LYN: variants seen among roughly 807,000 people sequenced by gnomAD.
The protein encoded by LYN is tyrosine-protein kinase Lyn.
A neutral mutation model predicts 65.0 loss-of-function variants in LYN; 12 were observed. The ratio of observed to expected loss-of-function variants is 0.18; its 90% confidence interval spans 0.12 to 0.30. LYN has a LOEUF of 0.30. Ranked by LOEUF, LYN falls within the 10% of genes least tolerant of loss-of-function variation. The pLI, the probability that LYN is intolerant of heterozygous loss-of-function variation, is 1.00. For synonymous variants in LYN, 222 were observed against 221.2 expected (o/e 1.00, Z -0.03); for missense variants, 380 against 623.2 (o/e 0.61, Z 4.16).
Position 56,002,000 on chromosome 8 carries a change from G to T in LYN, c.1336+2451G>T, listed in dbSNP as rs1563330369. ...AAATCATTTTTTGAAAAAAGAACTG[G>T]CTGGGCACGGCAGCTCACACGTGTA... On this transcript the variant is annotated intron_variant, in intron 12 of 12. Coordinates refer to ENST00000519728, the MANE Select transcript of LYN (RefSeq NM_002350.4). Among the ~76,000 whole-genome samples, 3 of 152,190 alleles carry T rather than the reference G, an allele frequency of 2.0e-5. No individual in the cohort carries two copies. In the South Asian group the frequency reaches 6.2e-4, roughly 32 times the overall value.
Position 56,014,128 on chromosome 8 carries a change from G to A in LYN, c.*4018G>A, listed in dbSNP as rs942647192. 1 of 152,144 alleles carries A rather than the reference G, an allele frequency of 6.6e-6. No homozygotes were observed. Among genetic ancestry groups the A allele is most frequent in the Non-Finnish European group, 1.5e-5 (1 of 68,030 alleles). 9.4% of individuals were successfully genotyped at this position (152,144 alleles called of 1,614,324 possible). On this transcript the variant is annotated 3_prime_UTR_variant, in exon 13 of 13. Transcript: ENST00000519728. ...GCCACAGAAGGAATAGATTGGCTTC[G>A]CTTCATATTGTTTCCTTGTGAAATA...
intron 10 of LYN, among the ~76,000 whole-genome samples, chr8:55,976,325 T>C (rs1455194163): frequency 1.3e-5 from 1 of 78,532 alleles, no homozygotes. Flanking sequence ...AGACTCCATC[T>C]CAAAAAAAAA....
intron 10 of LYN, among the ~76,000 whole-genome samples, chr8:55,983,865 T>A (rs1807999286): frequency 6.6e-6 from 1 of 152,228 alleles, no homozygotes; most frequent in South Asian, 2.1e-4. Flanking sequence ...ATTGTATTAA[T>A]TTCCTGGGGC....
At chr8:55,993,786 A>T (rs1030620675) in intron 10 of LYN, among the ~76,000 whole-genome samples, 1 of 152,160 alleles carries the variant, frequency 6.6e-6, no homozygotes, top group African/African-American at 2.4e-5. Context: ...ATCTTAGTAA[A>T]ATGTCTGTGG....
chr8:55,910,234 A>G (rs1805561151), intron 1 of LYN, among the ~76,000 whole-genome samples: 1 of 152,126 alleles, frequency 6.6e-6, no homozygotes. Flanking sequence ...ACCAATGTCC[A>G]GAAGTGTTTT....
At position 55,950,678 on chromosome 8, in the gene LYN, C is replaced by T. The variant is rs1806916573; in HGVS notation, c.384-3C>T. 1 of 1,608,304 alleles carries T rather than the reference C, an allele frequency of 6.2e-7. No individual in the cohort carries two copies. The highest frequency in any genetic ancestry group is 1.7e-5 in the Admixed American group (1 of 59,996). ...TGCAGGAAATGTTGAAATGTCTTCA[C>T]AGGTGGTTTTTCAAGGATATAACCA... is the stretch of plus-strand genomic sequence containing the variant. On this transcript the variant is annotated splice_region_variant and splice_polypyrimidine_tract_variant and intron_variant, in intron 5 of 12. Transcript: ENST00000519728.
chr8:55,964,586 G>C (rs1807392631), intron 8 of LYN, among the ~76,000 whole-genome samples: 1 of 151,916 alleles, frequency 6.6e-6, no homozygotes, highest in African/African-American at 2.4e-5. Flanking sequence ...TACATACTTG[G>C]CTGGGCACAG....
In LYN at chr8:56,011,112, G is replaced by C. The variant is rs1274664307; in HGVS notation, c.*1002G>C. The C allele has an allele frequency of 4.4e-6, 1 of 229,750 alleles. No individual in the cohort carries two copies. Among genetic ancestry groups the C allele is most frequent in the African/African-American group, 2.2e-5 (1 of 45,146 alleles). 14.2% of individuals were successfully genotyped at this position (229,750 alleles called of 1,614,324 possible). ...TAGAAAGCTAAAGTGCCACATTCGG[G>C]GCTATTTTTATGATTCAGCAATCTT... On this transcript the variant is annotated 3_prime_UTR_variant, in exon 13 of 13. Coordinates refer to ENST00000519728, the MANE Select transcript of LYN (RefSeq NM_002350.4).
intron 12 of LYN, among the ~76,000 whole-genome samples, chr8:56,007,873 C>A (rs1313950595): frequency 2.0e-5 from 3 of 152,108 alleles, no homozygotes; most frequent in African/African-American, 7.2e-5. Context: ...TAATCCAGCA[C>A]TTTGGGAGGC....
chr8:55,918,124 G>A (rs1456791495), intron 1 of LYN, among the ~76,000 whole-genome samples: 2 of 152,166 alleles, frequency 1.3e-5, no homozygotes, highest in Non-Finnish European at 2.9e-5. Flanking sequence ...TCCCAGCGCT[G>A]ATGCTGGCTC....
At chr8:55,932,555 G>T (rs536621220) in intron 1 of LYN, among the ~76,000 whole-genome samples, 2 of 152,046 alleles carry the variant, frequency 1.3e-5, no homozygotes, top group South Asian at 4.2e-4. Flanking sequence ...TGAGTAGCTG[G>T]GATCACAAGC....
chr8:55,963,037 A>G (rs1198585351), intron 8 of LYN, among the ~76,000 whole-genome samples: 1 of 152,258 alleles, frequency 6.6e-6, no homozygotes, highest in Non-Finnish European at 1.5e-5. Flanking sequence ...ATTCATTCCC[A>G]TGACCCAAAT....
At position 56,011,973 on chromosome 8, in the gene LYN, GT is replaced by G. The variant is rs149548101; in HGVS notation, c.*1873del. 532 of 175,690 alleles carry G rather than the reference GT, an allele frequency of 3.0e-3. No individual in the cohort carries two copies. Among genetic ancestry groups the G allele is most frequent in the Non-Finnish European group, 4.0e-3 (330 of 83,206 alleles). The allele number at this position is 175,690 out of a possible 1,614,324, so 10.9% of individuals were successfully genotyped here. On this transcript the variant is annotated 3_prime_UTR_variant, in exon 13 of 13. Transcript: ENST00000519728. ...AGAAGTCTCTAGAAAATGACTAGAG[GT>G]TTTTTTTTTAGCATAACAAATTTAT...
intron 10 of LYN, among the ~76,000 whole-genome samples, chr8:55,971,496 G>A (rs768200823): frequency 6.6e-6 from 1 of 152,220 alleles, no homozygotes; most frequent in Non-Finnish European, 1.5e-5. Context: ...GTGTAACAAA[G>A]GTTTGTCACA....
chr8:55,988,772 A>G (rs1585670544), intron 10 of LYN, among the ~76,000 whole-genome samples: 1 of 152,022 alleles, frequency 6.6e-6, no homozygotes, highest in Non-Finnish European at 1.5e-5. Context: ...TTCCTGGGGT[A>G]GTTTTTAGCT....
At chr8:55,940,011 T>A (rs1806560974) in intron 1 of LYN, among the ~76,000 whole-genome samples, 1 of 152,214 alleles carries the variant, frequency 6.6e-6, no homozygotes, top group South Asian at 2.1e-4. Flanking sequence ...GATAAACAAG[T>A]TGAAGTTCCT....
chr8:55,907,516 T>C (rs753843496), intron 1 of LYN, among the ~76,000 whole-genome samples: 19 of 152,190 alleles, frequency 1.2e-4, no homozygotes, highest in Non-Finnish European at 1.9e-4. Flanking sequence ...CTACCAGAAC[T>C]GATGTCAGCA....
intron 10 of LYN, among the ~76,000 whole-genome samples, chr8:55,992,053 A>G (rs564767479): frequency 1.3e-5 from 2 of 152,264 alleles, no homozygotes; most frequent in Admixed American, 1.3e-4. Context: ...TCACACATCA[A>G]CTTTCTGAGA....
At chr8:55,977,426 C>T (rs1272024545) in intron 10 of LYN, among the ~76,000 whole-genome samples, 1 of 152,118 alleles carries the variant, frequency 6.6e-6, no homozygotes, top group Non-Finnish European at 1.5e-5. Flanking sequence ...CTCTGTTCTC[C>T]CCCAACACAC....
Sources: allele counts gnomAD v4.1 joint callset (sites outside exome capture counted in the v4.1 genomes callset), GRCh38; gene constraint gnomAD v4.1.1; transcripts MANE v1.5; gene names NCBI Gene and HGNC (gene_info 2026-07-23, HGNC 2026-07-21).